Variants in ROBO1 observed in about 807,000 individuals in gnomAD.
ROBO1 encodes the protein roundabout guidance receptor 1, also known as roundabout homolog 1.
In ROBO1, 149 loss-of-function variants were observed where a neutral mutation model predicts 195.9. The observed-to-expected ratio is 0.76, with a 90% CI of 0.67 to 0.87. ROBO1 has a LOEUF of 0.87. Ranked by LOEUF, ROBO1 falls within the 40% of genes least tolerant of loss-of-function variation. The pLI is 0.00. For synonymous variants in ROBO1, 816 were observed against 733.2 expected (o/e 1.11, Z -1.82); for missense variants, 1,933 against 2,068.3 (o/e 0.93, Z 1.27).
intron 3 of ROBO1, among the ~76,000 whole-genome samples, chr3:78,970,248 A>G (rs952189806): frequency 1.2e-4 from 19 of 152,202 alleles, no homozygotes; most frequent in Non-Finnish European, 2.6e-4. Context: ...ACTGATAATA[A>G]TATTTACTTC....
intron 2 of ROBO1, among the ~76,000 whole-genome samples, chr3:79,470,457 G>A (rs1431590783): frequency 1.3e-5 from 2 of 152,108 alleles, no homozygotes; most frequent in African/African-American, 4.8e-5. Context: ...TATACCTAAT[G>A]TAAATGACGA....
At chr3:79,299,998 A>T (rs1487189038) in intron 2 of ROBO1, among the ~76,000 whole-genome samples, 1 of 152,240 alleles carries the variant, frequency 6.6e-6, no homozygotes, top group Non-Finnish European at 1.5e-5. Flanking sequence ...TAAATATTTC[A>T]TTTTGAAATG....
intron 4 of ROBO1, among the ~76,000 whole-genome samples, chr3:78,817,783 A>G (rs2108659519): frequency 6.6e-6 from 1 of 152,346 alleles, no homozygotes; most frequent in Admixed American, 6.5e-5. Flanking sequence ...AATTTCAACC[A>G]TTAGTCAGAG....
intron 4 of ROBO1, among the ~76,000 whole-genome samples, chr3:78,931,074 T>C (rs551081285): frequency 6.6e-6 from 1 of 152,230 alleles, no homozygotes; most frequent in African/African-American, 2.4e-5. Flanking sequence ...ACAAGAATCA[T>C]TTCATTTTTG....
chr3:79,091,038 G>A (rs1255514155), intron 3 of ROBO1, among the ~76,000 whole-genome samples: 2 of 151,988 alleles, frequency 1.3e-5, no homozygotes, highest in African/African-American at 2.4e-5. Context: ...AAATTATCTG[G>A]AATTTGGAAT....
chr3:79,019,662 TC>T (rs1222296770), intron 3 of ROBO1, among the ~76,000 whole-genome samples: 1 of 152,044 alleles, frequency 6.6e-6, no homozygotes, highest in African/African-American at 2.4e-5. Flanking sequence ...ATCCAATTGC[TC>T]GGAATCGGAA....
chr3:78,968,303 C>T (rs1415512689), intron 3 of ROBO1, among the ~76,000 whole-genome samples: 17 of 138,192 alleles, frequency 1.2e-4, no homozygotes, highest in African/African-American at 4.3e-4. Flanking sequence ...AAGGCAGAGT[C>T]TCACTCTGTC....
intron 2 of ROBO1, among the ~76,000 whole-genome samples, chr3:79,384,176 A>G (rs932837947): frequency 6.6e-6 from 1 of 151,984 alleles, no homozygotes; most frequent in Non-Finnish European, 1.5e-5. Flanking sequence ...AAAATATCTT[A>G]TACTTTTATT....
intron 2 of ROBO1, among the ~76,000 whole-genome samples, chr3:79,264,457 C>T (rs1017759221): frequency 1.3e-5 from 2 of 151,808 alleles, no homozygotes; most frequent in African/African-American, 4.8e-5. Flanking sequence ...TCTTTCCCTT[C>T]GCCTATTCAT....
At chr3:79,475,728 CCTCCCCA>C (rs1938516614) in intron 2 of ROBO1, among the ~76,000 whole-genome samples, 1 of 151,946 alleles carries the variant, frequency 6.6e-6, no homozygotes, top group Admixed American at 6.6e-5. Flanking sequence ...ACCCTATGGT[CCTCCCCA>C]CTAGTTTGAA....
intron 2 of ROBO1, among the ~76,000 whole-genome samples, chr3:79,279,198 G>A (rs1052660933): frequency 2.7e-5 from 4 of 150,804 alleles, no homozygotes; most frequent in African/African-American, 4.9e-5. Context: ...CCCAGGAAGC[G>A]GAGGTTGCAG....
intron 3 of ROBO1, among the ~76,000 whole-genome samples, chr3:78,983,263 C>G (rs1193749808): frequency 2.6e-5 from 4 of 152,188 alleles, no homozygotes; most frequent in Admixed American, 6.5e-5. Flanking sequence ...TTTGAAACTA[C>G]GTAACAACAA....
chr3:79,267,875 T>C (rs1490702725), intron 2 of ROBO1, among the ~76,000 whole-genome samples: 2 of 151,512 alleles, frequency 1.3e-5, no homozygotes, highest in Admixed American at 1.3e-4. Flanking sequence ...TTATTGGGCA[T>C]TATATAAGAA....
At chr3:79,036,362 T>C (rs1463719831) in intron 3 of ROBO1, among the ~76,000 whole-genome samples, 2 of 152,154 alleles carry the variant, frequency 1.3e-5, no homozygotes, top group African/African-American at 4.8e-5. Flanking sequence ...TTCCACTTGA[T>C]AACCACTGGT....
At chr3:79,726,482 AAAT>A (rs1702931506) in intron 1 of ROBO1, among the ~76,000 whole-genome samples, 1 of 152,220 alleles carries the variant, frequency 6.6e-6, no homozygotes, top group African/African-American at 2.4e-5. Context: ...TGATGTTGAA[AAAT>A]AATCATGGGG....
chr3:79,683,234 T>C (rs1412564725), intron 1 of ROBO1, among the ~76,000 whole-genome samples: 1 of 152,052 alleles, frequency 6.6e-6, no homozygotes, highest in Non-Finnish European at 1.5e-5. Flanking sequence ...ATTAAGATAA[T>C]TCAGTGTTTT....
chr3:79,499,070 C>T (rs2107489856), intron 2 of ROBO1, among the ~76,000 whole-genome samples: 1 of 152,260 alleles, frequency 6.6e-6, no homozygotes, highest in African/African-American at 2.4e-5. Context: ...TCTCAGCTCA[C>T]TGCAACCTCT....
rs569618350 is a variant in ROBO1, at chr3:79,369,235, T to C, written c.88+220589A>G. Among the ~76,000 whole-genome samples, 10 of 152,312 alleles carry C rather than the reference T, an allele frequency of 6.6e-5. 1 individual carries two copies. In the East Asian group the frequency reaches 1.5e-3, roughly 24 times the overall value. On this transcript the variant is annotated intron_variant, in intron 2 of 30. Transcript: ENST00000464233. ...TCCAGAGAGATACTGTCTTTTTCCTTCTTCCTGCTTTAAAATTCAGCAAGC... is the reference window on the plus strand; with the variant it reads ...TCCAGAGAGATACTGTCTTTTTCCTCCTTCCTGCTTTAAAATTCAGCAAGC...
At chr3:79,436,627 C>A (rs1177545928) in intron 2 of ROBO1, among the ~76,000 whole-genome samples, 1 of 152,006 alleles carries the variant, frequency 6.6e-6, no homozygotes, top group African/African-American at 2.4e-5. Context: ...ACTGACAGAG[C>A]TCTCAGATTT....
Sources: allele counts gnomAD v4.1 joint callset (sites outside exome capture counted in the v4.1 genomes callset), GRCh38; gene constraint gnomAD v4.1.1; transcripts MANE v1.5; gene names NCBI Gene and HGNC (gene_info 2026-07-23, HGNC 2026-07-21).